The following RSU1 variants were observed in gnomAD, a reference collection of about 807,000 sequenced individuals.
RSU1 encodes the protein rsu-1.
A neutral mutation model predicts 31.1 loss-of-function variants in RSU1; 26 were observed. That is an observed-to-expected ratio of 0.84 (90% confidence interval 0.61 to 1.16). The LOEUF is 1.16. RSU1 is among the 50% of genes most tolerant of loss of function. The probability of loss-of-function intolerance (pLI) is 0.00; values close to 1 mark genes in which losing one functional copy is unlikely to be tolerated. For synonymous variants in RSU1, 164 were observed against 136.3 expected (o/e 1.20, Z -1.41); for missense variants, 320 against 339.1 (o/e 0.94, Z 0.44).
chr10:16,719,276 C>G (rs966894757), intron 7 of RSU1, among the ~76,000 whole-genome samples: 1 of 152,182 alleles, frequency 6.6e-6, no homozygotes, highest in Non-Finnish European at 1.5e-5. Flanking sequence ...CCACTGCACT[C>G]CAGCCTGCGC....
chr10:16,638,089 G>A (rs187132933), intron 8 of RSU1, among the ~76,000 whole-genome samples: 7 of 152,182 alleles, frequency 4.6e-5, no homozygotes, highest in East Asian at 3.9e-4. Context: ...AGATTGTAGC[G>A]ATGTACTTTT....
chr10:16,600,554 G>GC (rs1281499776), intron 8 of RSU1, among the ~76,000 whole-genome samples: 1 of 136,040 alleles, frequency 7.4e-6, no homozygotes, highest in Non-Finnish European at 1.5e-5. Flanking sequence ...ACTGACACGT[G>GC]TTTTTTTTTT....
rs565315751 is a variant in RSU1, at chr10:16,783,812, A to G, written c.110-1728T>C. Among the ~76,000 whole-genome samples the G allele has an allele frequency of 5.3e-5, 8 of 152,286 alleles. No homozygotes were observed. In the South Asian group the frequency reaches 1.2e-3, roughly 24 times the overall value. On this transcript the variant is annotated intron_variant, in intron 2 of 8. Coordinates refer to ENST00000345264, the MANE Select transcript of RSU1 (RefSeq NM_012425.4). Reference sequence around the variant, plus strand: ...TAAAGTCTATGGTATATCTCCTACAAGCAAAAATGGACATAACCACAATAC... The same window carrying G: ...TAAAGTCTATGGTATATCTCCTACAGGCAAAAATGGACATAACCACAATAC...
chr10:16,638,015 G>A (rs976225218), intron 8 of RSU1, among the ~76,000 whole-genome samples: 2 of 152,130 alleles, frequency 1.3e-5, no homozygotes, highest in Non-Finnish European at 2.9e-5. Context: ...GTACTTTCCA[G>A]CTTGTAAATC....
chr10:16,684,266 A>G (rs1315123490), intron 8 of RSU1, among the ~76,000 whole-genome samples: 1 of 152,182 alleles, frequency 6.6e-6, no homozygotes, highest in African/African-American at 2.4e-5. Context: ...TTGTCACATA[A>G]TGTTATGCCA....
Position 16,814,317 on chromosome 10 carries a change from G to A in RSU1, c.109+2656C>T, listed in dbSNP as rs142092404. On this transcript the variant is annotated intron_variant, in intron 2 of 8. Coordinates refer to ENST00000345264, the MANE Select transcript of RSU1 (RefSeq NM_012425.4). ...AAAACCATTAGCCAGGCGTGGTGGCGTGTACCTATAGTCCCAGCTACTCGG... is the reference window on the plus strand; with the variant it reads ...AAAACCATTAGCCAGGCGTGGTGGCATGTACCTATAGTCCCAGCTACTCGG... Among the ~76,000 whole-genome samples the A allele has an allele frequency of 4.9e-3, 741 of 152,042 alleles. 7 individuals are homozygous for A. Among genetic ancestry groups the A allele is most frequent in the African/African-American group, 0.017 (712 of 41,464 alleles).
At chr10:16,647,734 T>C (rs923743974) in intron 8 of RSU1, among the ~76,000 whole-genome samples, 43 of 152,108 alleles carry the variant, frequency 2.8e-4, no homozygotes, top group African/African-American at 9.7e-4. Context: ...AAATGTTCTA[T>C]AATTGACTGT....
intron 7 of RSU1, among the ~76,000 whole-genome samples, chr10:16,731,300 G>A (rs1836506835): frequency 6.6e-6 from 1 of 151,888 alleles, no homozygotes; most frequent in Non-Finnish European, 1.5e-5. Flanking sequence ...CGCGGGGGTG[G>A]GCGCCTGTAG....
At chr10:16,742,291 G>A (rs1213474739) in intron 7 of RSU1, among the ~76,000 whole-genome samples, 2 of 152,202 alleles carry the variant, frequency 1.3e-5, no homozygotes, top group Admixed American at 1.3e-4. Context: ...ATTCTGGAAA[G>A]GTCTAAATAT....
chr10:16,740,401 A>G (rs984407744), intron 7 of RSU1, among the ~76,000 whole-genome samples: 13 of 152,246 alleles, frequency 8.5e-5, no homozygotes, highest in African/African-American at 2.9e-4. Context: ...ATAATATTCT[A>G]TGGTGAATGA....
intron 7 of RSU1, among the ~76,000 whole-genome samples, chr10:16,696,100 T>C (rs1184782374): frequency 4.6e-5 from 7 of 152,184 alleles, no homozygotes; most frequent in Admixed American, 4.6e-4. Flanking sequence ...AAAGAGAAGT[T>C]AGGCAGCAGG....
chr10:16,644,034 C>G (rs1228217662), intron 8 of RSU1, among the ~76,000 whole-genome samples: 1 of 150,398 alleles, frequency 6.6e-6, no homozygotes, highest in Non-Finnish European at 1.5e-5. Context: ...AGGTTACATG[C>G]AAATACACCA....
At chr10:16,705,828 G>A (rs1835887521) in intron 7 of RSU1, among the ~76,000 whole-genome samples, 1 of 152,030 alleles carries the variant, frequency 6.6e-6, no homozygotes, top group African/African-American at 2.4e-5. Context: ...ATCCTTTTTT[G>A]AGAGATGCTG....
At chr10:16,807,456 T>C (rs565293892) in intron 2 of RSU1, among the ~76,000 whole-genome samples, 11 of 152,322 alleles carry the variant, frequency 7.2e-5, no homozygotes, top group African/African-American at 2.2e-4. Context: ...TTGTAGTGTT[T>C]TAAGCTAATG....
At chr10:16,617,389 T>C (rs1833995510) in intron 8 of RSU1, among the ~76,000 whole-genome samples, 1 of 152,068 alleles carries the variant, frequency 6.6e-6, no homozygotes, top group Middle Eastern at 3.2e-3. Context: ...AGAATCAATA[T>C]CATGAAAATG....
chr10:16,713,869 G>T (rs1836071443), intron 7 of RSU1, among the ~76,000 whole-genome samples: 1 of 152,064 alleles, frequency 6.6e-6, no homozygotes, highest in Non-Finnish European at 1.5e-5. Context: ...AGGTCCCAAG[G>T]TGTCATTTGA....
chr10:16,604,680 C>T (rs549742700), intron 8 of RSU1, among the ~76,000 whole-genome samples: 29 of 152,126 alleles, frequency 1.9e-4, no homozygotes, highest in Non-Finnish European at 3.7e-4. Flanking sequence ...GGTGGGGAAA[C>T]AAGGCCCAGA....
chr10:16,730,740 C>A lies in RSU1; in HGVS notation c.598+21799G>T, dbSNP rs547254796. Reference sequence around the variant, plus strand: ...TAAAATCACTGAGAATCCCAACATACAGAGACATTAACCAATAATTTTTTC... The same window carrying A: ...TAAAATCACTGAGAATCCCAACATAAAGAGACATTAACCAATAATTTTTTC... On this transcript the variant is annotated intron_variant, in intron 7 of 8. Transcript: ENST00000345264. Among the ~76,000 whole-genome samples the A allele has an allele frequency of 3.9e-5, 6 of 152,304 alleles. No individual in the cohort carries two copies. The South Asian group carries it at 6.2e-4, about 16-fold the overall frequency.
At chr10:16,676,723 T>C (rs1021503203) in intron 8 of RSU1, among the ~76,000 whole-genome samples, 3 of 152,200 alleles carry the variant, frequency 2.0e-5, no homozygotes, top group African/African-American at 7.2e-5. Context: ...TCAGATATGG[T>C]GCCTTTCAGA....
Sources: gnomAD v4.1 joint callset for allele counts (sites outside exome capture counted in the v4.1 genomes callset) on GRCh38, gnomAD v4.1.1 for gene constraint, MANE v1.5 for transcripts, NCBI Gene and HGNC (gene_info 2026-07-23, HGNC 2026-07-21) for gene names.